Variants in OTUD4 observed in about 807,000 individuals in gnomAD.
OTUD4 encodes OTU deubiquitinase 4.
In OTUD4, 24 loss-of-function variants were observed where a neutral mutation model predicts 130.4. That is an observed-to-expected ratio of 0.18 (90% CI 0.13 to 0.26). The LOEUF (loss-of-function observed/expected upper bound fraction) is 0.26, where lower values mean the gene tolerates loss of function less well. OTUD4 is among the 10% of genes least tolerant of loss of function. The pLI is 1.00. For synonymous variants in OTUD4, 420 were observed against 472.5 expected, an observed-to-expected ratio of 0.89 and a Z score of 1.44; for missense variants, 1,031 against 1,329.4, an observed-to-expected ratio of 0.78 and a Z score of 3.49.
intron 8 of OTUD4, 98 bp from the exon 9 acceptor site, chr4:145,155,784 T>G: frequency 9.6e-7 from 1 of 1,038,868 alleles, no homozygotes; most frequent in East Asian, 2.5e-5. Context: ...GAAAAGAAAC[T>G]TCAAAAAATT....
At chr4:145,171,293 G>A (rs575209976) in intron 3 of OTUD4, 126 of 163,084 alleles carry the variant, frequency 7.7e-4, no homozygotes, top group African/African-American at 2.9e-3. Flanking sequence ...ATGCACTCCA[G>A]CCTGGCAATG....
In OTUD4 at chr4:145,152,537, A is replaced by C; in HGVS notation, c.968+4T>G. On this transcript the variant is annotated splice_donor_region_variant and intron_variant, in intron 11 of 20. Transcript: ENST00000447906. Reference sequence around the variant, plus strand: ...AAATGCCTTAGCTGAAGAGTAGTACATACTTCTTTCCCAGTTCTTCAACCA... The same window carrying C: ...AAATGCCTTAGCTGAAGAGTAGTACCTACTTCTTTCCCAGTTCTTCAACCA... The C allele has an allele frequency of 6.6e-7, 1 of 1,523,284 alleles. No individual in the cohort carries two copies. Among genetic ancestry groups the C allele is most frequent in the Non-Finnish European group, 9.1e-7 (1 of 1,099,626 alleles). 94.4% of individuals were successfully genotyped at this position (1,523,284 alleles called of 1,614,324 possible).
chr4:145,150,650 T>C lies in OTUD4; in HGVS notation c.1122A>G (p.Pro374=), dbSNP rs770761448. ...GCTGCAGTCGAGGAGGTAGTGCTGA[T>C]GGGGCTTTTATTGGCTTGCTTGGAT... The part of the protein sequence containing the change: ...PKNPSKPIKA[P]SALPPRLQHP... The change falls in exon 13 of 21, where the codon CCA becomes CCG. Residue 374 remains proline, a synonymous_variant. Transcript: ENST00000447906. The C allele has an allele frequency of 1.1e-5, 17 of 1,611,906 alleles. No homozygotes were observed. In the South Asian group the frequency reaches 1.1e-4, roughly 10 times the overall value.
chr4:145,147,016 A>G (rs1750857395), intron 13 of OTUD4, among the ~76,000 whole-genome samples: 1 of 152,200 alleles, frequency 6.6e-6, no homozygotes, highest in Non-Finnish European at 1.5e-5. Flanking sequence ...ATTTCAACAT[A>G]ATTTTGGTCA....
chr4:145,175,433 C>G (rs1043527749), intron 1 of OTUD4, among the ~76,000 whole-genome samples: 8 of 152,310 alleles, frequency 5.3e-5, no homozygotes, highest in African/African-American at 1.7e-4. Flanking sequence ...GATCCAGATC[C>G]TCTCACTCTG....
intron 14 of OTUD4, 37 bp downstream of exon 14, chr4:145,146,210 AACTATATTAAGAGAAACTTC>A: frequency 8.5e-7 from 1 of 1,175,202 alleles, no homozygotes; most frequent in South Asian, 2.2e-5. Flanking sequence ...TTAATCTAAA[AACTATATTAAGAGAAACTTC>A]TGTATAATGA....
Position 145,152,603 on chromosome 4 carries a change from A to C in OTUD4, c.906T>G (p.Asn302Lys). The C allele has an allele frequency of 6.2e-7, 1 of 1,612,178 alleles. No individual in the cohort carries two copies. The highest frequency in any genetic ancestry group is 8.5e-7 in the Non-Finnish European group (1 of 1,178,500). The change falls in exon 11 of 21, where the codon AAT (asparagine) becomes AAG (lysine). Residue 302 changes from asparagine (N) to lysine (K), a missense_variant. Asn to Lys is a moderately conservative substitution (Grantham distance 94). Coordinates refer to ENST00000447906, the MANE Select transcript of OTUD4 (RefSeq NM_001366057.1). ...CAGAATGAATTCCTTGAACATCTGC[A>C]TTCAAAAATTTTCCATTGTGATCCA... Reference protein sequence around the residue: ...VRLDHNGKFLNADVQGIHSEN... With the variant: ...VRLDHNGKFLKADVQGIHSEN...
At chr4:145,139,857 G>A (rs564356579) in intron 20 of OTUD4, 94 bp downstream of exon 20, 87 of 460,904 alleles carry the variant, frequency 1.9e-4, no homozygotes, top group Middle Eastern at 3.5e-4. Context: ...GTAAACTTTA[G>A]GTTACTGACT....
At chr4:145,146,703 G>C (rs925922855) in intron 13 of OTUD4, among the ~76,000 whole-genome samples, 1 of 151,996 alleles carries the variant, frequency 6.6e-6, no homozygotes, top group Admixed American at 6.6e-5. Context: ...GGGAGGTAGA[G>C]GGGAAAAGAA....
intron 2 of OTUD4, among the ~76,000 whole-genome samples, chr4:145,173,063 TG>T (rs1365497049): frequency 6.6e-6 from 1 of 152,194 alleles, no homozygotes; most frequent in Non-Finnish European, 1.5e-5. Context: ...CTTTTCCCCA[TG>T]GAACTTTCAA....
At chr4:145,177,955 C>T (rs1752504086) in intron 1 of OTUD4, among the ~76,000 whole-genome samples, 1 of 152,188 alleles carries the variant, frequency 6.6e-6, no homozygotes, top group South Asian at 2.1e-4. Context: ...CACACACACA[C>T]TTTGCCTTTG....
chr4:145,139,645 C>G (rs919166632), intron 20 of OTUD4, among the ~76,000 whole-genome samples: 3 of 152,210 alleles, frequency 2.0e-5, no homozygotes, highest in African/African-American at 7.2e-5. Flanking sequence ...AGCAGAACTT[C>G]AAGCCCAGAT....
chr4:145,176,305 A>G (rs936839092), intron 1 of OTUD4, among the ~76,000 whole-genome samples: 2 of 152,074 alleles, frequency 1.3e-5, no homozygotes, highest in Non-Finnish European at 2.9e-5. Context: ...TTTAAAAAAA[A>G]AAAACTCAGA....
At chr4:145,139,209 T>C (rs1750439903) in intron 20 of OTUD4, among the ~76,000 whole-genome samples, 1 of 152,212 alleles carries the variant, frequency 6.6e-6, no homozygotes, top group South Asian at 2.1e-4. Flanking sequence ...AACCAGCTAA[T>C]TGGCTAACCA....
intron 6 of OTUD4, among the ~76,000 whole-genome samples, 169 bp from the exon 7 acceptor site, chr4:145,159,804 G>C (rs1215296971): frequency 6.6e-6 from 1 of 152,058 alleles, no homozygotes; most frequent in African/African-American, 2.4e-5. Flanking sequence ...AGTTACCTAG[G>C]GTACAGCTAA....
intron 3 of OTUD4, among the ~76,000 whole-genome samples, chr4:145,170,401 A>C (rs1427924267): frequency 1.3e-5 from 2 of 152,216 alleles, no homozygotes; most frequent in African/African-American, 4.8e-5. Flanking sequence ...CTTTGCTCAC[A>C]GTTTTCACTG....
intron 6 of OTUD4, among the ~76,000 whole-genome samples, chr4:145,161,637 T>C (rs1431379992): frequency 6.6e-6 from 1 of 152,206 alleles, no homozygotes; most frequent in African/African-American, 2.4e-5. Context: ...GGAAATATTA[T>C]TGGTTGTCAC....
At chr4:145,157,576 C>T (rs571584088) in intron 7 of OTUD4, among the ~76,000 whole-genome samples, 27 of 149,284 alleles carry the variant, frequency 1.8e-4, no homozygotes, top group Non-Finnish European at 3.5e-4. Context: ...CCTAGCTACT[C>T]GGGAGGCTGA....
chr4:145,141,773 A>AAATTATTATT, intron 18 of OTUD4, 134 bp from the exon 19 acceptor site: 1 of 705,676 alleles, frequency 1.4e-6, no homozygotes, highest in Non-Finnish European at 2.2e-6. Context: ...ATCAACCAAG[A>AAATTATTATT]GCCCTCCTGG....
Sources: allele counts gnomAD v4.1 joint callset (sites outside exome capture counted in the v4.1 genomes callset), GRCh38; gene constraint gnomAD v4.1.1; transcripts MANE v1.5; gene names NCBI Gene and HGNC (gene_info 2026-07-23, HGNC 2026-07-21).